Variants in PPARG observed in about 807,000 individuals in gnomAD.
The protein encoded by PPARG is peroxisome proliferator-activated receptor gamma.
In PPARG, 17 loss-of-function variants were observed where a neutral mutation model predicts 39.2. That is an observed-to-expected ratio of 0.43 (90% confidence interval 0.30 to 0.65). PPARG has a LOEUF of 0.65. PPARG is among the 30% of genes least tolerant of loss of function. The pLI, the probability that PPARG is intolerant of heterozygous loss-of-function variation, is 0.13. For missense variants in PPARG, 406 were observed against 585.9 expected (o/e 0.69, Z 3.17); for synonymous variants, 223 against 215.7 (o/e 1.03, Z -0.30).
chr3:12,362,205 GT>G (rs1446038231), intron 2 of PPARG, among the ~76,000 whole-genome samples: 2 of 152,004 alleles, frequency 1.3e-5, no homozygotes, highest in African/African-American at 4.8e-5. Flanking sequence ...ACTATAATGA[GT>G]TTTTTTGTGG....
chr3:12,334,445 G>A (rs532975622), intron 2 of PPARG, among the ~76,000 whole-genome samples: 2 of 152,024 alleles, frequency 1.3e-5, no homozygotes, highest in South Asian at 4.2e-4. Flanking sequence ...TGTCCAGGCT[G>A]GTCTCGAACT....
At chr3:12,427,058 T>C (rs1304119318) in intron 7 of PPARG, among the ~76,000 whole-genome samples, 2 of 152,220 alleles carry the variant, frequency 1.3e-5, no homozygotes, top group African/African-American at 2.4e-5. Flanking sequence ...AATTTTAATA[T>C]GTAGCCAAAA....
Position 12,289,098 on chromosome 3 carries a change from C to T in PPARG, c.-119C>T, listed in dbSNP as rs1460812867. 3 of 152,206 alleles carry T rather than the reference C, an allele frequency of 2.0e-5. No homozygotes were observed. The highest frequency in any genetic ancestry group is 6.5e-5 in the Admixed American group (1 of 15,286). 9.4% of individuals were successfully genotyped at this position (152,206 alleles called of 1,614,324 possible). ...TTAACCTCTGCTGGTGACCAGAAGC[C>T]TGCATTTCTGCATTCTGCTTAATTC... On this transcript the variant is annotated 5_prime_UTR_variant, in exon 1 of 8. Transcript: ENST00000651735.
chr3:12,390,471 CT>C (rs2050030829), intron 4 of PPARG, among the ~76,000 whole-genome samples: 1 of 151,932 alleles, frequency 6.6e-6, no homozygotes, highest in South Asian at 2.1e-4. Context: ...AAATCATAGT[CT>C]TTCACTAACA....
At chr3:12,374,488 A>T (rs903560313) in intron 2 of PPARG, among the ~76,000 whole-genome samples, 2 of 152,094 alleles carry the variant, frequency 1.3e-5, no homozygotes, top group African/African-American at 2.4e-5. Flanking sequence ...AATCCCAGCT[A>T]CTCAGGAGGC....
intron 2 of PPARG, among the ~76,000 whole-genome samples, chr3:12,338,510 A>G (rs1237336597): frequency 6.6e-6 from 1 of 152,228 alleles, no homozygotes; most frequent in Non-Finnish European, 1.5e-5. Flanking sequence ...TGTAACTTAA[A>G]TATGTGTAAA....
chr3:12,429,571 A>AAAG lies in PPARG; in HGVS notation c.1181-4323_1181-4321dup, dbSNP rs1553653045. 3.9e-4 allele frequency among the ~76,000 whole-genome samples: 57 copies of AAAG among 147,966 alleles called. 1 individual carries two copies. The highest frequency in any genetic ancestry group is 6.4e-4 in the South Asian group (3 of 4,684). The stretch of plus-strand genomic sequence containing the variant: ...CTCTACCAAAAAAAAAAAAAAAAAA[A>AAAG]AAGAAGCAGGTGGAGGAAGGAGGAG... On this transcript the variant is annotated intron_variant, in intron 7 of 7. Coordinates refer to ENST00000651735, the MANE Select transcript of PPARG (RefSeq NM_138711.6).
intron 3 of PPARG, 43 bp from the exon 4 acceptor site, chr3:12,381,279 G>GT: frequency 6.3e-7 from 1 of 1,599,228 alleles, no homozygotes; most frequent in East Asian, 2.2e-5. Flanking sequence ...TTTTAGGACT[G>GT]TTTTCATGGG....
At chr3:12,400,061 A>G (rs2050418915) in intron 5 of PPARG, among the ~76,000 whole-genome samples, 1 of 152,194 alleles carries the variant, frequency 6.6e-6, no homozygotes, top group Non-Finnish European at 1.5e-5. Flanking sequence ...TTTGTATGCA[A>G]CAAACATATA....
At chr3:12,304,644 A>T (rs2047013804) in intron 1 of PPARG, among the ~76,000 whole-genome samples, 2 of 152,214 alleles carry the variant, frequency 1.3e-5, no homozygotes, top group Non-Finnish European at 2.9e-5. Flanking sequence ...TTTCATTAAG[A>T]TGTATGTAAA....
At chr3:12,303,750 G>A (rs1224344191) in intron 1 of PPARG, among the ~76,000 whole-genome samples, 4 of 152,258 alleles carry the variant, frequency 2.6e-5, no homozygotes, top group African/African-American at 4.8e-5. Flanking sequence ...TGAGTGCTTC[G>A]TCATTGGACA....
At chr3:12,299,075 T>C (rs1049159688) in intron 1 of PPARG, among the ~76,000 whole-genome samples, 8 of 152,166 alleles carry the variant, frequency 5.3e-5, no homozygotes, top group Admixed American at 5.2e-4. Context: ...GCCCAAGCAG[T>C]CCTCTGGCCT....
rs1453810483 is a variant in PPARG, at chr3:12,379,819, T to C, written c.108T>C (p.Thr36=). ...ACTCCTTTGATATCAAGCCCTTCAC[T>C]ACTGTTGACTTCTCCAGCATTTCTA... The part of the protein sequence containing the change: ...HSHSFDIKPF[T]TVDFSSISTP... Residue 36 remains threonine, a synonymous_variant, in exon 3 of 8, where the codon ACT becomes ACC. Transcript: ENST00000651735. The C allele has an allele frequency of 1.2e-6, 2 of 1,613,786 alleles. No homozygotes were observed. The highest frequency in any genetic ancestry group is 1.3e-5 in the African/African-American group (1 of 74,930).
At chr3:12,363,063 G>C (rs1170120293) in intron 2 of PPARG, among the ~76,000 whole-genome samples, 1 of 151,976 alleles carries the variant, frequency 6.6e-6, no homozygotes, top group East Asian at 1.9e-4. Context: ...TGGGACCACA[G>C]CACATCACCA....
In PPARG at chr3:12,392,616, T is replaced by C. The variant is rs201126401; in HGVS notation, c.393T>C (p.Gly131=). 192 of 1,613,840 alleles carry C rather than the reference T, an allele frequency of 1.2e-4. 1 individual carries two copies. The East Asian group carries it at 3.0e-3, about 25-fold the overall frequency. Residue 131 remains glycine, a splice_region_variant and synonymous_variant, in exon 5 of 8, where the codon GGT becomes GGC. Coordinates refer to ENST00000651735, the MANE Select transcript of PPARG (RefSeq NM_138711.6). ...YGVHACEGCK[G]FFRRTIRLKL... ...GCTTCTTTTTTATCCCTTTGCAGGGTTTCTTCCGGAGAACAATCAGATTGA... is the reference window on the plus strand; with the variant it reads ...GCTTCTTTTTTATCCCTTTGCAGGGCTTCTTCCGGAGAACAATCAGATTGA...
intron 7 of PPARG, among the ~76,000 whole-genome samples, chr3:12,418,003 G>A (rs552936539): frequency 1.1e-4 from 15 of 136,986 alleles, no homozygotes; most frequent in Admixed American, 2.4e-4. Context: ...TCTAACTGCA[G>A]TTAGTAAGCT....
chr3:12,307,083 G>C (rs1314463793), intron 1 of PPARG, among the ~76,000 whole-genome samples: 4 of 113,624 alleles, frequency 3.5e-5, no homozygotes, highest in Non-Finnish European at 6.7e-5. Flanking sequence ...GGGCGACAGT[G>C]CAAGACTCCG....
At chr3:12,417,293 C>A in intron 7 of PPARG, 139 bp downstream of exon 7, 2 of 881,638 alleles carry the variant, frequency 2.3e-6, no homozygotes, top group Non-Finnish European at 3.6e-6. Context: ...CATCACTACA[C>A]GTGCAAAACA....
At position 12,433,929 on chromosome 3, in the gene PPARG, T is replaced by A; in HGVS notation, c.1212T>A (p.Ile404=). The A allele has an allele frequency of 1.2e-6, 2 of 1,614,208 alleles. No individual in the cohort carries two copies. The highest frequency in any genetic ancestry group is 1.7e-6 in the Non-Finnish European group (2 of 1,180,030). Residue 404 remains isoleucine (I), a synonymous_variant, in exon 8 of 8, where the codon ATT becomes ATA. Transcript: ENST00000651735. ...CAGGTTTGCTGAATGTGAAGCCCAT[T>A]GAAGACATTCAAGACAACCTGCTAC... ...DRPGLLNVKP[I]EDIQDNLLQA...
Sources: gnomAD v4.1 joint callset for allele counts (sites outside exome capture counted in the v4.1 genomes callset) on GRCh38, gnomAD v4.1.1 for gene constraint, MANE v1.5 for transcripts, NCBI Gene and HGNC (gene_info 2026-07-23, HGNC 2026-07-21) for gene names.